Variants in DEAF1 observed in about 807,000 individuals in gnomAD.
DEAF1 encodes DEAF1 transcription factor.
In DEAF1, 53 loss-of-function variants were observed where a neutral mutation model predicts 58.9. The observed-to-expected ratio is 0.90, with a 90% confidence interval of 0.72 to 1.13. The LOEUF (loss-of-function observed/expected upper bound fraction) is 1.13. Ranked by LOEUF, DEAF1 falls within the 50% of genes most tolerant of loss-of-function variation. The pLI, the probability that DEAF1 is intolerant of heterozygous loss-of-function variation, is 0.00. For synonymous variants in DEAF1, 385 were observed against 340.4 expected, an observed-to-expected ratio of 1.13 and a Z score of -1.44; for missense variants, 685 against 791.4, an observed-to-expected ratio of 0.87 and a Z score of 1.61.
chr11:685,641 G>C (rs147383071), intron 5 of DEAF1, among the ~76,000 whole-genome samples: 4,831 of 152,168 alleles, frequency 0.032, 103 homozygotes, highest in Non-Finnish European at 0.048. Flanking sequence ...GTTACAGTGA[G>C]CTGAGATCAC....
At chr11:695,508 A>C (rs1366646906), upstream of DEAF1, 7 of 952,232 alleles carry the variant, frequency 7.4e-6, no homozygotes, top group Non-Finnish European at 9.6e-6. Context: ...TCTGCCTCTC[A>C]GAGAGAGCTT....
intron 9 of DEAF1, 62 bp downstream of exon 9, chr11:678,632 C>T (rs1470204196): frequency 6.2e-7 from 1 of 1,610,050 alleles, no homozygotes; most frequent in East Asian, 2.2e-5. Context: ...CTTAGGAATT[C>T]TTTCATTGGA....
chr11:687,507 T>G (rs535361867), intron 4 of DEAF1, among the ~76,000 whole-genome samples: 1 of 152,240 alleles, frequency 6.6e-6, no homozygotes, highest in Non-Finnish European at 1.5e-5. Flanking sequence ...TCGTTGTTGT[T>G]GAGACGGAGT....
intron 9 of DEAF1, among the ~76,000 whole-genome samples, chr11:675,994 T>C (rs373925271): frequency 0.015 from 206 of 13,484 alleles, 6 homozygotes; most frequent in Middle Eastern, 0.071. Context: ...CCGGGGCACC[T>C]GGCACCCCCC....
chr11:675,449 A>T (rs1860008704), intron 9 of DEAF1, among the ~76,000 whole-genome samples: 1 of 152,190 alleles, frequency 6.6e-6, no homozygotes, highest in African/African-American at 2.4e-5. Context: ...GGATGGTTTG[A>T]GCCCAGGTGG....
intron 10 of DEAF1, among the ~76,000 whole-genome samples, chr11:672,904 T>TA (rs1264456779): frequency 6.6e-6 from 1 of 151,420 alleles, no homozygotes; most frequent in African/African-American, 2.4e-5. Flanking sequence ...ATCCCAGCAC[T>TA]TTAAGACGCT....
intron 1 of DEAF1, chr11:704,443 G>C: frequency 5.4e-6 from 7 of 1,289,020 alleles, no homozygotes; most frequent in Non-Finnish European, 7.1e-6. Flanking sequence ...GGCCCCCAGT[G>C]GCCACGGTGA....
In DEAF1 at chr11:688,649, C is replaced by T; in HGVS notation, c.388-189G>A. On this transcript the variant is annotated intron_variant, in intron 2 of 11. Coordinates refer to ENST00000382409, the MANE Select transcript of DEAF1 (RefSeq NM_021008.4). The surrounding 1 kb of genome is among the most constrained non-coding windows in gnomAD (Gnocchi z 4.3). Reference sequence around the variant, plus strand: ...TTGAAAACAGAGCCAAGAACAAGAACAGACAATGCCGAAGTCTGTGTGGTG... The same window carrying T: ...TTGAAAACAGAGCCAAGAACAAGAATAGACAATGCCGAAGTCTGTGTGGTG... 6.6e-6 allele frequency among the ~76,000 whole-genome samples: 1 copy of T among 152,162 alleles called. No individual in the cohort carries two copies. Among genetic ancestry groups the T allele is most frequent in the Non-Finnish European group, 1.5e-5 (1 of 68,030 alleles).
chr11:680,904 G>A (rs754004512), intron 7 of DEAF1, 59 bp downstream of exon 7: 4 of 1,612,402 alleles, frequency 2.5e-6, no homozygotes, highest in Non-Finnish European at 3.4e-6. Context: ...GTGGTGACGA[G>A]AGAAGGCAAT....
chr11:682,729 T>C (rs570429002), intron 6 of DEAF1, among the ~76,000 whole-genome samples: 16 of 152,304 alleles, frequency 1.1e-4, no homozygotes, highest in Admixed American at 2.6e-4. Context: ...TGTGGGTTGA[T>C]GGAAATTGGG....
upstream of DEAF1, chr11:695,556 A>T (rs1861089855): frequency 1.6e-6 from 2 of 1,215,836 alleles, no homozygotes; most frequent in Non-Finnish European, 2.1e-6. Context: ...CGCCGGCGGA[A>T]GCCGAGTCAG....
rs7126455 is a variant in DEAF1, at chr11:688,217, A to G, written c.517+114T>C. On this transcript the variant is annotated intron_variant, in intron 3 of 11. Coordinates refer to ENST00000382409, the MANE Select transcript of DEAF1 (RefSeq NM_021008.4). This position sits in a 1 kb window ranked among gnomAD's most constrained non-coding sequence, Gnocchi z 4.3. ...ATGCTTTTACTTAAAATCTATTAAT[A>G]GATGATATTCCAAATTTACCACAAA... 0.13 allele frequency: 202,385 copies of G among 1,515,112 alleles called. 15,680 individuals are homozygous for G. The highest frequency in any genetic ancestry group is 0.34 in the African/African-American group (24,253 of 71,908). The allele number at this position is 1,515,112 out of a possible 1,614,324, so 93.9% of individuals were successfully genotyped here. A position where few individuals can be genotyped will look rare whatever the true frequency, so the allele number is the denominator to read the frequency against.
chr11:679,112 A>T (rs1590004244), intron 8 of DEAF1, among the ~76,000 whole-genome samples: 2 of 152,088 alleles, frequency 1.3e-5, no homozygotes, highest in Admixed American at 6.6e-5. Context: ...GGAGATAGAG[A>T]CCATCCTGGC....
At position 673,234 on chromosome 11, in the gene DEAF1, T is replaced by C. The variant is rs551491827; in HGVS notation, c.1503+1302A>G. 6.6e-5 allele frequency among the ~76,000 whole-genome samples: 10 copies of C among 152,176 alleles called. No individual in the cohort carries two copies. The South Asian group carries it at 1.9e-3, about 28-fold the overall frequency. ...AATACATAAATAAAAAGTTCTTCTA[T>C]AAAAAGTAGAAGCTGGGCATGGTGG... On this transcript the variant is annotated intron_variant, in intron 10 of 11. Coordinates refer to ENST00000382409, the MANE Select transcript of DEAF1 (RefSeq NM_021008.4).
At chr11:682,552 T>C (rs569246706) in intron 6 of DEAF1, among the ~76,000 whole-genome samples, 2 of 152,104 alleles carry the variant, frequency 1.3e-5, no homozygotes, top group Non-Finnish European at 2.9e-5. Flanking sequence ...TGGAGCTCTC[T>C]GTTCTTACGG....
rs1861646007 is a variant in DEAF1 at position 704,788 on chromosome 11, A to G, written c.-438+1784T>C. On this transcript the variant is annotated intron_variant, in intron 1 of 11. Coordinates refer to the DEAF1 transcript ENST00000683307. ...ACTGTCTCCTGAGGGCAGGCTCCGC[A>G]CTCAAAATCGTGTTGACAGGCACCC... The G allele has an allele frequency of 1.1e-5, 6 of 570,502 alleles. 1 individual carries two copies. Among genetic ancestry groups the G allele is most frequent in the Middle Eastern group, 3.8e-4 (1 of 2,662 alleles). The allele number at this position is 570,502 out of a possible 1,614,324, so 35.3% of individuals were successfully genotyped here.
intron 11 of DEAF1, among the ~76,000 whole-genome samples, chr11:646,998 AAT>A (rs1217740423): frequency 1.7e-4 from 25 of 146,314 alleles, no homozygotes; most frequent in Non-Finnish European, 2.3e-4. Context: ...AAAAAAAAAA[AAT>A]GTTTTAAAAT....
In DEAF1 at chr11:686,875, A is replaced by G; in HGVS notation, c.787T>C (p.Leu263=). 1 of 1,614,230 alleles carries G rather than the reference A, an allele frequency of 6.2e-7. No homozygotes were observed. Among genetic ancestry groups the G allele is most frequent in the Non-Finnish European group, 8.5e-7 (1 of 1,180,040 alleles). The change falls in exon 5 of 12, where the codon TTG becomes CTG. Residue 263 remains leucine (L), a synonymous_variant. Transcript: ENST00000382409. The stretch of plus-strand genomic sequence containing the variant: ...GACGATACCTGGATGAGGCACTGCA[A>G]GGGTCGGCCCGCGTAGCGAATGCTT... ...KRSIRYAGRP[L]QCLIQDGILN... is the part of the protein sequence containing the mutation.
At chr11:695,515 G>A (rs534032574), upstream of DEAF1, 110 of 990,692 alleles carry the variant, frequency 1.1e-4, 1 homozygote, top group Admixed American at 1.7e-3. Flanking sequence ...CTCAGAGAGA[G>A]CTTAGTGCCG....
Sources: gnomAD v4.1 joint callset for allele counts (sites outside exome capture counted in the v4.1 genomes callset) on GRCh38, gnomAD v4.1.1 for gene constraint, Gnocchi (gnomAD v3.1) non-coding constraint, MANE v1.5 for transcripts, NCBI Gene and HGNC (gene_info 2026-07-23, HGNC 2026-07-21) for gene names.